The following PTCHD1 variants were observed in gnomAD, a reference collection of about 807,000 sequenced individuals.
PTCHD1 encodes the protein patched domain containing 1, also known as patched domain-containing protein 1.
In PTCHD1, 3 loss-of-function variants were observed where a neutral mutation model predicts 34.6. The observed-to-expected ratio is 0.09, with a 90% CI of 0.04 to 0.22. PTCHD1 has a LOEUF of 0.22. PTCHD1 is among the 10% of genes least tolerant of loss of function. The pLI is 1.00. For synonymous variants in PTCHD1, 305 were observed against 283.1 expected, an observed-to-expected ratio of 1.08 and a Z score of -0.77; for missense variants, 504 against 685.5, an observed-to-expected ratio of 0.74 and a Z score of 2.96.
chrX:23,358,229 A>G (rs943091630), intron 1 of PTCHD1, among the ~76,000 whole-genome samples: 4 of 112,160 alleles, frequency 3.6e-5, no homozygotes, highest in Admixed American at 9.4e-5. Flanking sequence ...CTGAGGAATC[A>G]CCACACTGAC....
At chrX:23,363,046 G>A (rs1441668241) in intron 1 of PTCHD1, among the ~76,000 whole-genome samples, 8 of 111,947 alleles carry the variant, frequency 7.1e-5, no homozygotes, top group Non-Finnish European at 1.3e-4. Flanking sequence ...GCACCCACCT[G>A]TATGAGGTGT....
chrX:23,357,239 A>G (rs2146622150), intron 1 of PTCHD1, among the ~76,000 whole-genome samples: 1 of 112,075 alleles, frequency 8.9e-6, no homozygotes, highest in East Asian at 2.8e-4. Flanking sequence ...GCTTGATCAG[A>G]TACTTTGGAA....
intron 1 of PTCHD1, among the ~76,000 whole-genome samples, chrX:23,338,711 G>A (rs888314454): frequency 6.2e-5 from 7 of 112,085 alleles, no homozygotes; most frequent in Non-Finnish European, 1.1e-4. Context: ...CAGGGTTTTG[G>A]ACTCCAAGCC....
At chrX:23,368,216 A>G (rs768299253) in intron 1 of PTCHD1, among the ~76,000 whole-genome samples, 22 of 111,827 alleles carry the variant, frequency 2.0e-4, no homozygotes, top group African/African-American at 7.1e-4. Flanking sequence ...TAAGCATAGC[A>G]CATAATTATT....
chrX:23,373,260 C>T (rs1922323573), intron 1 of PTCHD1, among the ~76,000 whole-genome samples: 1 of 112,481 alleles, frequency 8.9e-6, no homozygotes, highest in Non-Finnish European at 1.9e-5. Flanking sequence ...AGTGTCAGTA[C>T]CCGCAATAAG....
In PTCHD1 at chrX:23,379,726, G is replaced by T. The variant is rs200379722; in HGVS notation, c.487G>T (p.Ala163Ser). Reference sequence around the variant, plus strand: ...GCACGTCCTGGAAGAGCTAAAGAATGCTCGGGCCACCAATCGGACCAATTT... The same window carrying T: ...GCACGTCCTGGAAGAGCTAAAGAATTCTCGGGCCACCAATCGGACCAATTT... ...IVHVLEELKNARATNRTNFAI... is the reference protein window; with the variant it reads ...IVHVLEELKNSRATNRTNFAI... Residue 163 changes from alanine (A) to serine (S), a missense_variant, in exon 2 of 3, where the codon GCT becomes TCT. Coordinates refer to ENST00000379361, the MANE Select transcript of PTCHD1 (RefSeq NM_173495.3). 11 of 1,211,307 alleles carry T rather than the reference G, an allele frequency of 9.1e-6. No individual in the cohort carries two copies. The highest frequency in any genetic ancestry group is 1.2e-5 in the Non-Finnish European group (11 of 895,463).
intron 1 of PTCHD1, among the ~76,000 whole-genome samples, chrX:23,359,514 G>T (rs1483458564): frequency 1.8e-5 from 2 of 112,337 alleles, no homozygotes; most frequent in Admixed American, 9.4e-5. Context: ...CTGAGACTTT[G>T]CTGAAGTTGC....
In PTCHD1 at chrX:23,398,015, G is replaced by A. The variant is rs1456418976; in HGVS notation, c.*3830G>A. The A allele has an allele frequency of 9.0e-6, 1 of 111,593 alleles. No individual in the cohort carries two copies. The highest frequency in any genetic ancestry group is 9.5e-5 in the Admixed American group (1 of 10,492). 9.2% of individuals were successfully genotyped at this position (111,593 alleles called of 1,213,427 possible). ...TCTTTAAATTCAGCAAATACTTATC[G>A]AGTGCCAAATATCGCCCAGATACTG... On this transcript the variant is annotated 3_prime_UTR_variant, in exon 3 of 3. Transcript: ENST00000379361.
Position 23,362,291 on chromosome X carries a change from C to G in PTCHD1, c.352-17300C>G, listed in dbSNP as rs954683439. On this transcript the variant is annotated intron_variant, in intron 1 of 2. Transcript: ENST00000379361. ...CCCCGTCACTTTCAGGTACACCAAT[C>G]AAACGTAGATTTGGTCTTTTCACAG... Among the ~76,000 whole-genome samples, 3 of 112,338 alleles carry G rather than the reference C, an allele frequency of 2.7e-5. No homozygotes were observed. In the South Asian group the frequency reaches 1.1e-3, roughly 42 times the overall value.
intron 2 of PTCHD1, among the ~76,000 whole-genome samples, chrX:23,381,698 A>C (rs1422055561): frequency 8.9e-6 from 1 of 111,967 alleles, no homozygotes; most frequent in African/African-American, 3.2e-5. Context: ...AGAGCTGGGC[A>C]CTGTAAGGAG....
intron 1 of PTCHD1, among the ~76,000 whole-genome samples, chrX:23,342,882 C>T (rs1285618705): frequency 1.8e-5 from 2 of 111,923 alleles, no homozygotes; most frequent in Non-Finnish European, 3.8e-5. Context: ...ATCTATTGGG[C>T]TTTCATTCTT....
At chrX:23,336,003 AG>A (rs926486625) in intron 1 of PTCHD1, among the ~76,000 whole-genome samples, 2 of 111,746 alleles carry the variant, frequency 1.8e-5, no homozygotes, top group Admixed American at 9.4e-5. Context: ...CATGGGGGTG[AG>A]GGGCAGAGCC....
rs921306519 is a variant in PTCHD1, at chrX:23,399,870, C to T, written c.*5685C>T. 2 of 111,557 alleles carry T rather than the reference C, an allele frequency of 1.8e-5. No homozygotes were observed. Among genetic ancestry groups the T allele is most frequent in the African/African-American group, 6.5e-5 (2 of 30,686 alleles). The allele number at this position is 111,557 out of a possible 1,213,427, so 9.2% of individuals were successfully genotyped here. ...ATATATAGCCTCAAATTTTCAGTAA[C>T]CATCCCACACACACATACACACATA... On this transcript the variant is annotated 3_prime_UTR_variant, in exon 3 of 3. Coordinates refer to ENST00000379361, the MANE Select transcript of PTCHD1 (RefSeq NM_173495.3).
At chrX:23,386,787 G>A (rs745752668) in intron 2 of PTCHD1, among the ~76,000 whole-genome samples, 1 of 112,453 alleles carries the variant, frequency 8.9e-6, no homozygotes, top group Non-Finnish European at 1.9e-5. Context: ...ATGAAATTTG[G>A]CACTGCCCAG....
At position 23,360,853 on chromosome X, in the gene PTCHD1, T is replaced by C. The variant is rs533138139; in HGVS notation, c.352-18738T>C. The stretch of plus-strand genomic sequence containing the variant: ...CAGACATTCTGGTTTGTTGTGTCTT[T>C]GTTCTCATTGGTTTCAAAGAACATC... On this transcript the variant is annotated intron_variant, in intron 1 of 2. Transcript: ENST00000379361. Among the ~76,000 whole-genome samples, 3 of 112,533 alleles carry C rather than the reference T, an allele frequency of 2.7e-5. No individual in the cohort carries two copies. The South Asian group carries it at 1.1e-3, about 41-fold the overall frequency.
chrX:23,339,352 T>C (rs1226000106), intron 1 of PTCHD1, among the ~76,000 whole-genome samples: 2 of 111,900 alleles, frequency 1.8e-5, no homozygotes, highest in Admixed American at 9.5e-5. Flanking sequence ...GGTAGGGGAA[T>C]TGCCTTTGTA....
Position 23,397,644 on chromosome X carries a change from A to G in PTCHD1, c.*3459A>G, listed in dbSNP as rs374417450. 1 of 111,734 alleles carries G rather than the reference A, an allele frequency of 8.9e-6. No homozygotes were observed. The highest frequency in any genetic ancestry group is 1.9e-5 in the Non-Finnish European group (1 of 53,228). 9.2% of individuals were successfully genotyped at this position (111,734 alleles called of 1,213,427 possible). The stretch of plus-strand genomic sequence containing the variant: ...TAATCAGATGCCATCCTCCATGGCC[A>G]CGCTTATGTATGCAATATACCGCTC... On this transcript the variant is annotated 3_prime_UTR_variant, in exon 3 of 3. Transcript: ENST00000379361.
intron 1 of PTCHD1, among the ~76,000 whole-genome samples, chrX:23,349,241 AAAC>A (rs772132228): frequency 6.3e-5 from 7 of 111,801 alleles, no homozygotes; most frequent in Non-Finnish European, 9.4e-5. Flanking sequence ...ACAAATGCAA[AAAC>A]AACAACAACA....
Position 23,393,806 on chromosome X carries a change from A to C in PTCHD1, c.2288A>C (p.Tyr763Ser). 1 of 1,209,343 alleles carries C rather than the reference A, an allele frequency of 8.3e-7. No individual in the cohort carries two copies. Among genetic ancestry groups the C allele is most frequent in the Non-Finnish European group, 1.1e-6 (1 of 893,205 alleles). ...SVLCLIYGIN[Y>S]TIDNCAPMLS... ...CTATGCTTAATTTATGGAATTAATT[A>C]CACAATTGACAATTGTGCTCCAATG... The change falls in exon 3 of 3, where the codon TAC becomes TCC. Residue 763 changes from tyrosine to serine, a missense_variant. Transcript: ENST00000379361.
Sources: allele counts gnomAD v4.1 joint callset (sites outside exome capture counted in the v4.1 genomes callset), GRCh38; gene constraint gnomAD v4.1.1; transcripts MANE v1.5; gene names NCBI Gene and HGNC (gene_info 2026-07-23, HGNC 2026-07-21).